The following ALDH1A1 variants were observed in gnomAD, a reference collection of about 807,000 sequenced individuals.
ALDH1A1 encodes the protein aldehyde dehydrogenase 1 family member A1, also known as aldehyde dehydrogenase 1A1.
A neutral mutation model predicts 62.1 loss-of-function variants in ALDH1A1; 19 were observed. The ratio of observed to expected loss-of-function variants is 0.31; its 90% CI spans 0.21 to 0.45. ALDH1A1 has a LOEUF of 0.45. ALDH1A1 is among the 20% of genes least tolerant of loss of function. The pLI, the probability that ALDH1A1 is intolerant of heterozygous loss-of-function variation, is 1.00. For missense variants in ALDH1A1, 521 were observed against 607.1 expected (o/e 0.86, Z 1.49); for synonymous variants, 231 against 215.9 (o/e 1.07, Z -0.61).
chr9:72,908,562 A>T (rs1829922925), intron 11 of ALDH1A1, among the ~76,000 whole-genome samples: 5 of 22,502 alleles, frequency 2.2e-4, no homozygotes, highest in African/African-American at 5.7e-4. Flanking sequence ...GAAGAAAGAA[A>T]GAAAGAAAGA....
chr9:72,929,785 T>TCATTGTCATGTCAATGATTTAAC (rs1830256932), intron 3 of ALDH1A1, among the ~76,000 whole-genome samples: 1 of 152,198 alleles, frequency 6.6e-6, no homozygotes, highest in African/African-American at 2.4e-5. Flanking sequence ...ACACTCTCTA[T>TCATTGTCATGTCAATGATTTAAC]CATGTCAAAA....
intron 12 of ALDH1A1, among the ~76,000 whole-genome samples, chr9:72,902,608 GA>G (rs373258790): frequency 6.6e-6 from 1 of 152,152 alleles, no homozygotes; most frequent in African/African-American, 2.4e-5. Context: ...ATCAACCCAT[GA>G]CTTTCGCCAA....
intron 11 of ALDH1A1, among the ~76,000 whole-genome samples, chr9:72,909,155 CTTT>C (rs5898281): frequency 4.0e-5 from 3 of 75,558 alleles, no homozygotes; most frequent in Admixed American, 1.9e-4. Flanking sequence ...TCCAATACAG[CTTT>C]TTTTTTTTTT....
At chr9:72,932,100 C>T (rs1830288374) in intron 2 of ALDH1A1, among the ~76,000 whole-genome samples, 1 of 152,204 alleles carries the variant, frequency 6.6e-6, no homozygotes, top group African/African-American at 2.4e-5. Context: ...CTACTGCAAA[C>T]ACCATAAAGG....
intron 8 of ALDH1A1, 137 bp from the exon 9 acceptor site, chr9:72,917,241 A>C: frequency 1.8e-6 from 1 of 555,520 alleles, no homozygotes; most frequent in Non-Finnish European, 2.7e-6. Flanking sequence ...TTTACCTCCT[A>C]CCAGCCAGGT....
intron 11 of ALDH1A1, among the ~76,000 whole-genome samples, chr9:72,908,870 G>A (rs1187652069): frequency 6.6e-6 from 1 of 152,094 alleles, no homozygotes; most frequent in Non-Finnish European, 1.5e-5. Context: ...ATGGGAGAGG[G>A]AGGGTATCTT....
chr9:72,911,938 A>G lies in ALDH1A1; in HGVS notation c.1200+20T>C. The G allele has an allele frequency of 6.2e-7, 1 of 1,613,684 alleles. No homozygotes were observed. The highest frequency in any genetic ancestry group is 8.5e-7 in the Non-Finnish European group (1 of 1,179,668). On this transcript the variant is annotated intron_variant, in intron 10 of 12. Coordinates refer to ENST00000297785, the MANE Select transcript of ALDH1A1 (RefSeq NM_000689.5). ...CAAAACATGGCAACAAAAAGAACAGAACAGAATGAAGCCATTTACCTCCTC... is the reference window on the plus strand; with the variant it reads ...CAAAACATGGCAACAAAAAGAACAGGACAGAATGAAGCCATTTACCTCCTC...
At chr9:72,947,293 G>A (rs909220324) in intron 1 of ALDH1A1, among the ~76,000 whole-genome samples, 3 of 152,014 alleles carry the variant, frequency 2.0e-5, no homozygotes, top group Non-Finnish European at 4.4e-5. Context: ...TGATGTGGCT[G>A]AGTGCTAGTT....
chr9:72,950,144 T>G (rs1289336617), intron 1 of ALDH1A1, among the ~76,000 whole-genome samples: 2 of 151,908 alleles, frequency 1.3e-5, no homozygotes, highest in African/African-American at 4.8e-5. Context: ...TCACTAACGT[T>G]AAATCATTTC....
At chr9:72,912,979 G>A (rs1830010459) in intron 9 of ALDH1A1, among the ~76,000 whole-genome samples, 1 of 152,088 alleles carries the variant, frequency 6.6e-6, no homozygotes, top group African/African-American at 2.4e-5. Context: ...AACCGGTGAG[G>A]GCTGCCTATC....
chr9:72,925,407 T>A, intron 6 of ALDH1A1, 77 bp downstream of exon 6: 1 of 1,523,084 alleles, frequency 6.6e-7, no homozygotes. Context: ...TACTTTATAG[T>A]AGCAACAAAT....
At chr9:72,907,648 T>A (rs1829892437) in intron 11 of ALDH1A1, among the ~76,000 whole-genome samples, 1 of 152,226 alleles carries the variant, frequency 6.6e-6, no homozygotes, top group African/African-American at 2.4e-5. Context: ...GCAAAAACTT[T>A]GAGTTCAAAA....
intron 2 of ALDH1A1, among the ~76,000 whole-genome samples, chr9:72,937,550 T>A (rs1186299879): frequency 6.6e-6 from 1 of 152,094 alleles, no homozygotes; most frequent in Non-Finnish European, 1.5e-5. Context: ...AAGAACAGAA[T>A]CTCAAAGAAG....
chr9:72,911,132 T>TTA (rs2118494706), intron 10 of ALDH1A1, among the ~76,000 whole-genome samples: 1 of 152,232 alleles, frequency 6.6e-6, no homozygotes, highest in Non-Finnish European at 1.5e-5. Flanking sequence ...TATATACACA[T>TTA]TATATATGTA....
chr9:72,909,903 T>C, intron 10 of ALDH1A1, 144 bp from the exon 11 acceptor site: 1 of 615,960 alleles, frequency 1.6e-6, no homozygotes, highest in Non-Finnish European at 2.6e-6. Flanking sequence ...AGAATCCAAA[T>C]AGGTAACTGC....
At chr9:72,923,895 A>C in intron 7 of ALDH1A1, 124 bp downstream of exon 7, 1 of 607,546 alleles carries the variant, frequency 1.6e-6, no homozygotes, top group Non-Finnish European at 2.8e-6. Flanking sequence ...GGCTAAAATA[A>C]GTAACAAATC....
chr9:72,949,647 TTG>T (rs35095299), intron 1 of ALDH1A1, among the ~76,000 whole-genome samples: 82,681 of 148,422 alleles, frequency 0.56, 25,651 homozygotes, highest in African/African-American at 0.85. Flanking sequence ...TAATTATTTA[TTG>T]TGTGTGTGTG....
At chr9:72,952,010 AC>A (rs1225676551) in intron 1 of ALDH1A1, among the ~76,000 whole-genome samples, 1 of 151,986 alleles carries the variant, frequency 6.6e-6, no homozygotes, top group Non-Finnish European at 1.5e-5. Flanking sequence ...GGGGACTTTT[AC>A]TTTATCATTA....
At chr9:72,947,445 A>T (rs1437334368) in intron 1 of ALDH1A1, among the ~76,000 whole-genome samples, 2 of 151,996 alleles carry the variant, frequency 1.3e-5, no homozygotes, top group Non-Finnish European at 2.9e-5. Flanking sequence ...AAGCTGAAAG[A>T]CTGTTAAGAA....
Sources: gnomAD v4.1 joint callset for allele counts (sites outside exome capture counted in the v4.1 genomes callset) on GRCh38, gnomAD v4.1.1 for gene constraint, MANE v1.5 for transcripts, NCBI Gene and HGNC (gene_info 2026-07-23, HGNC 2026-07-21) for gene names.